The following SLC8A2 variants were observed in gnomAD, a reference collection of about 807,000 sequenced individuals.
SLC8A2 encodes the protein sodium/calcium exchanger 2.
In SLC8A2, 14 loss-of-function variants were observed where a neutral mutation model predicts 70.2. The observed-to-expected ratio is 0.20, with a 90% CI of 0.13 to 0.31. The LOEUF (loss-of-function observed/expected upper bound fraction) is 0.31, where lower values mean the gene tolerates loss of function less well. Ranked by LOEUF, SLC8A2 falls within the 10% of genes least tolerant of loss-of-function variation. The pLI is 1.00. For synonymous variants in SLC8A2, 575 were observed against 594.3 expected (o/e 0.97, Z 0.47); for missense variants, 779 against 1,320.1 (o/e 0.59, Z 6.35).
chr19:47,437,362 C>T lies in SLC8A2; in HGVS notation c.2110+100G>A, dbSNP rs1414822602. On this transcript the variant is annotated intron_variant, in intron 8 of 9. Transcript: ENST00000236877. ...CCAGGCATGAGCCACCGCGCCCGGCCTGTTTATCTTTGTGCCTGTCTCTCC... is the reference window on the plus strand; with the variant it reads ...CCAGGCATGAGCCACCGCGCCCGGCTTGTTTATCTTTGTGCCTGTCTCTCC... The T allele has an allele frequency of 3.2e-5, 29 of 905,536 alleles. No homozygotes were observed. The Admixed American group carries it at 5.1e-4, about 16-fold the overall frequency. The allele number at this position is 905,536 out of a possible 1,614,324, so 56.1% of individuals were successfully genotyped here.
At chr19:47,452,526 C>A (rs1005667739) in intron 3 of SLC8A2, among the ~76,000 whole-genome samples, 1 of 148,598 alleles carries the variant, frequency 6.7e-6, no homozygotes, top group South Asian at 2.2e-4. Context: ...TGCAGTGGCG[C>A]GATCTTGGCT....
rs1245325500 is a variant in SLC8A2 at position 47,457,313 on chromosome 19, G to A, written c.957C>T (p.Leu319=). Residue 319 remains leucine (L), a synonymous_variant, in exon 3 of 10, where the codon CTC becomes CTT. Transcript: ENST00000236877. The part of the protein sequence containing the change: ...DASRREVIQI[L]KDLKQKHPDK... ...CCGGGTGCTTCTGCTTGAGGTCCTT[G>A]AGGATCTGGATGACCTCGCGGCGGC... 3 of 1,544,768 alleles carry A rather than the reference G, an allele frequency of 1.9e-6. No homozygotes were observed. The highest frequency in any genetic ancestry group is 1.7e-6 in the Non-Finnish European group (2 of 1,144,966).
At chr19:47,438,120 G>A (rs1398450359) in intron 6 of SLC8A2, 147 bp from the exon 7 acceptor site, 1 of 910,640 alleles carries the variant, frequency 1.1e-6, no homozygotes, top group African/African-American at 1.7e-5. Context: ...CCTCCCACCT[G>A]ACCACCGTCT....
rs774765445 is a variant in SLC8A2, at chr19:47,437,948, G to T, written c.1911C>A (p.Ala637=). Residue 637 remains alanine, a synonymous_variant, in exon 7 of 10, where the codon GCC becomes GCA. Transcript: ENST00000236877. The part of the protein sequence containing the change: ...NQGDGDRKLT[A]EEEEARRIAE... ...CTATCCTCCGAGCCTCCTCCTCCTC[G>T]GCTGTTAGCTTCCTGTCCCCATCCC... 2.5e-6 allele frequency: 4 copies of T among 1,613,922 alleles called. No homozygotes were observed. The highest frequency in any genetic ancestry group is 3.4e-6 in the Non-Finnish European group (4 of 1,179,974).
At chr19:47,456,118 A>G (rs1967300145) in intron 3 of SLC8A2, among the ~76,000 whole-genome samples, 1 of 152,238 alleles carries the variant, frequency 6.6e-6, no homozygotes, top group South Asian at 2.1e-4. Context: ...TTTTTACTTT[A>G]GTAATGGTGG....
rs1048299161 is a variant in SLC8A2, at chr19:47,447,608, A to G, written c.1763+201T>C. The G allele has an allele frequency of 1.2e-5, 7 of 600,448 alleles. No homozygotes were observed. In the Admixed American group the frequency reaches 2.2e-4, roughly 19 times the overall value. The allele number at this position is 600,448 out of a possible 1,614,324, so 37.2% of individuals were successfully genotyped here. A position where few individuals can be genotyped will look rare whatever the true frequency, so the allele number is the denominator to read the frequency against. ...TCCTGAGGGCCCAGCTGTTCAGTGA[A>G]GCCCCGCCCACGTCGTGGGCATGGG... On this transcript the variant is annotated intron_variant, in intron 4 of 9. Transcript: ENST00000236877. This position sits in a 1 kb window ranked among gnomAD's most constrained non-coding sequence, Gnocchi z 5.1.
chr19:47,443,547 G>A (rs1967123848), intron 4 of SLC8A2, among the ~76,000 whole-genome samples: 1 of 152,162 alleles, frequency 6.6e-6, no homozygotes, highest in Admixed American at 6.5e-5. Flanking sequence ...ACACCCTACA[G>A]CCATTCCCAC....
In SLC8A2 at chr19:47,457,237, G is replaced by C; in HGVS notation, c.1033C>G (p.His345Asp). Reference protein sequence around the residue: ...VGIANYYALLHQQKSRAFYRI... With the variant: ...VGIANYYALLDQQKSRAFYRI... The stretch of plus-strand genomic sequence containing the variant: ...TAGAAGGCGCGGCTCTTCTGCTGGT[G>C]CAGCAGCGCGTAGTAGTTGGCGATG... Residue 345 changes from histidine to aspartate, a missense_variant, in exon 3 of 10, where the codon CAC (histidine) becomes GAC (aspartate). His to Asp is a moderately conservative substitution (Grantham distance 81). Coordinates refer to ENST00000236877, the MANE Select transcript of SLC8A2 (RefSeq NM_015063.3). 6.5e-7 allele frequency: 1 copy of C among 1,546,930 alleles called. No homozygotes were observed. The highest frequency in any genetic ancestry group is 1.2e-5 in the South Asian group (1 of 83,538).
intron 1 of SLC8A2, among the ~76,000 whole-genome samples, chr19:47,467,879 T>C (rs1412905297): frequency 6.8e-6 from 1 of 146,110 alleles, no homozygotes; most frequent in East Asian, 2.0e-4. Flanking sequence ...TGGTGGCGTG[T>C]GCCTATAATC....
In SLC8A2 at chr19:47,456,910, C is replaced by A; in HGVS notation, c.1340+20G>T. The stretch of plus-strand genomic sequence containing the variant: ...GGCCTGCGCCAGCCCCCTGCACACC[C>A]CCCACCCCGGGGGACCCACCTGTAC... On this transcript the variant is annotated intron_variant, in intron 3 of 9. Coordinates refer to ENST00000236877, the MANE Select transcript of SLC8A2 (RefSeq NM_015063.3). 2.5e-6 allele frequency: 4 copies of A among 1,569,928 alleles called. No homozygotes were observed. Among genetic ancestry groups the A allele is most frequent in the Non-Finnish European group, 3.4e-6 (4 of 1,160,080 alleles).
At chr19:47,459,552 GTA>G (rs1471277432) in intron 2 of SLC8A2, among the ~76,000 whole-genome samples, 3 of 151,866 alleles carry the variant, frequency 2.0e-5, no homozygotes, top group Non-Finnish European at 4.4e-5. Flanking sequence ...ATGTGTGAGC[GTA>G]TGTGCATGTG....
intron 2 of SLC8A2, among the ~76,000 whole-genome samples, chr19:47,459,612 T>C (rs1361796323): frequency 6.6e-6 from 1 of 151,902 alleles, no homozygotes; most frequent in Non-Finnish European, 1.5e-5. Flanking sequence ...TGCTTGTGTG[T>C]GCATGTGTGT....
chr19:47,462,603 T>TC (rs1967409573), intron 2 of SLC8A2, among the ~76,000 whole-genome samples: 1 of 148,018 alleles, frequency 6.8e-6, no homozygotes, highest in Admixed American at 6.7e-5. Flanking sequence ...TTTTTTTTTT[T>TC]CTGAGATGGA....
intron 3 of SLC8A2, among the ~76,000 whole-genome samples, chr19:47,454,828 G>T (rs907883769): frequency 7.2e-5 from 11 of 152,202 alleles, no homozygotes; most frequent in Non-Finnish European, 1.0e-4. Flanking sequence ...GCTCACGCCT[G>T]TAGTCCCAGC....
chr19:47,432,030 G>A lies in SLC8A2; in HGVS notation c.2389+137C>T, dbSNP rs1466967380. On this transcript the variant is annotated intron_variant, in intron 9 of 9. Coordinates refer to ENST00000236877, the MANE Select transcript of SLC8A2 (RefSeq NM_015063.3). This position sits in a 1 kb window ranked among gnomAD's most constrained non-coding sequence, Gnocchi z 6.2. ...GGACCCGCTGCCTGGCTTCTATTATGCCCCACCTCCGTATTTCTCTGAGAC... is the reference window on the plus strand; with the variant it reads ...GGACCCGCTGCCTGGCTTCTATTATACCCCACCTCCGTATTTCTCTGAGAC... 2 of 778,042 alleles carry A rather than the reference G, an allele frequency of 2.6e-6. No individual in the cohort carries two copies. The highest frequency in any genetic ancestry group is 3.0e-5 in the East Asian group (1 of 33,860). 48.2% of individuals were successfully genotyped at this position (778,042 alleles called of 1,614,324 possible).
In SLC8A2 at chr19:47,448,238, C is replaced by T; in HGVS notation, c.1341-7G>A. On this transcript the variant is annotated splice_region_variant and splice_polypyrimidine_tract_variant and intron_variant, in intron 3 of 9. Transcript: ENST00000236877. This position sits in a 1 kb window ranked among gnomAD's most constrained non-coding sequence, Gnocchi z 4.8. Reference sequence around the variant, plus strand: ...GAACACCAGCGTGCCCTCGCTGCGGCGGGGTGGGGAGGGGGAAGAGCGGGG... The same window carrying T: ...GAACACCAGCGTGCCCTCGCTGCGGTGGGGTGGGGAGGGGGAAGAGCGGGG... 6.3e-7 allele frequency: 1 copy of T among 1,580,440 alleles called. No homozygotes were observed. The highest frequency in any genetic ancestry group is 8.6e-7 in the Non-Finnish European group (1 of 1,159,400).
intron 2 of SLC8A2, among the ~76,000 whole-genome samples, chr19:47,459,179 CCCA>C (rs1227807412): frequency 2.6e-5 from 4 of 151,754 alleles, no homozygotes; most frequent in East Asian, 1.9e-4. Flanking sequence ...CCCCATCTCC[CCCA>C]CATTTCTCTC....
At chr19:47,456,142 C>T (rs147293823) in intron 3 of SLC8A2, among the ~76,000 whole-genome samples, 13 of 152,324 alleles carry the variant, frequency 8.5e-5, no homozygotes, top group African/African-American at 2.6e-4. Context: ...AAGGCTTGTT[C>T]TACCAGGTAG....
In SLC8A2 at chr19:47,466,343, C is replaced by A. The variant is rs1367283519; in HGVS notation, c.61G>T (p.Ala21Ser). Reference protein sequence around the residue: ...LLLAAPPCSGAATPTPSLPPP... With the variant: ...LLLAAPPCSGSATPTPSLPPP... ...GGCAGGGAGGGGGTTGGGGTGGCTG[C>A]CCCGGAGCATGGGGGAGCCGCCAGG... is the stretch of plus-strand genomic sequence containing the variant. Residue 21 changes from alanine (A) to serine (S), a missense_variant, in exon 2 of 10, where the codon GCA becomes TCA. Ala to Ser is a moderately conservative substitution (Grantham distance 99, BLOSUM62 1). Coordinates refer to ENST00000236877, the MANE Select transcript of SLC8A2 (RefSeq NM_015063.3). This position sits in a 1 kb window ranked among gnomAD's most constrained non-coding sequence, Gnocchi z 6.9. 6.9e-7 allele frequency: 1 copy of A among 1,458,412 alleles called. No individual in the cohort carries two copies. Among genetic ancestry groups the A allele is most frequent in the Admixed American group, 2.4e-5 (1 of 40,942 alleles). The allele number at this position is 1,458,412 out of a possible 1,614,324, so 90.3% of individuals were successfully genotyped here.
Sources: gnomAD v4.1 joint callset for allele counts (sites outside exome capture counted in the v4.1 genomes callset) on GRCh38, gnomAD v4.1.1 for gene constraint, Gnocchi (gnomAD v3.1) non-coding constraint, MANE v1.5 for transcripts, NCBI Gene and HGNC (gene_info 2026-07-23, HGNC 2026-07-21) for gene names.